ELFN1: variants seen among roughly 807,000 people sequenced by gnomAD.
ELFN1 encodes the protein extracellular leucine rich repeat and fibronectin type III domain containing 1.
In ELFN1, 6 loss-of-function variants were observed where a neutral mutation model predicts 7.6. That is an observed-to-expected ratio of 0.79 (90% CI 0.43 to 1.56). The LOEUF (loss-of-function observed/expected upper bound fraction) is 1.56, where lower values mean the gene tolerates loss of function less well. Ranked by LOEUF, ELFN1 falls within the 40% of genes most tolerant of loss-of-function variation. The probability of loss-of-function intolerance (pLI) is 0.01; values close to 1 mark genes in which losing one functional copy is unlikely to be tolerated. For synonymous variants in ELFN1, 657 were observed against 588.1 expected (o/e 1.12, Z -1.70); for missense variants, 1,169 against 1,232.2 (o/e 0.95, Z 0.77).
chr7:1,718,769 C>T (rs1025021757), intron 3 of ELFN1, among the ~76,000 whole-genome samples: 1 of 152,172 alleles, frequency 6.6e-6, no homozygotes, highest in African/African-American at 2.4e-5. Flanking sequence ...GGGCCCCCTC[C>T]CTGGCCGTGT....
intron 3 of ELFN1, among the ~76,000 whole-genome samples, chr7:1,714,480 A>G (rs115578086): frequency 0.039 from 5,873 of 152,330 alleles, 389 homozygotes; most frequent in African/African-American, 0.13. Flanking sequence ...TTAAAAGGGA[A>G]GATTTATAGC....
At chr7:1,693,942 C>A (rs1052782095) in intron 2 of ELFN1, 3 of 390,310 alleles carry the variant, frequency 7.7e-6, no homozygotes, top group African/African-American at 6.3e-5. Flanking sequence ...CTCGGGAAGC[C>A]CCCGTCTGGC....
chr7:1,689,271 C>T (rs945677258), intron 2 of ELFN1, among the ~76,000 whole-genome samples: 11 of 152,352 alleles, frequency 7.2e-5, no homozygotes, highest in African/African-American at 9.6e-5. Flanking sequence ...TGCATGCTCA[C>T]GCATGTGTGT....
At chr7:1,676,293 G>C (rs1311268244) in intron 1 of ELFN1, among the ~76,000 whole-genome samples, 1 of 152,134 alleles carries the variant, frequency 6.6e-6, no homozygotes, top group Non-Finnish European at 1.5e-5. Context: ...GGAAGCTGTG[G>C]AAGGGCCCGG....
At chr7:1,696,177 T>A (rs190841125) in intron 2 of ELFN1, among the ~76,000 whole-genome samples, 73 of 141,688 alleles carry the variant, frequency 5.2e-4, no homozygotes, top group South Asian at 4.4e-3. Flanking sequence ...AGAGAGAGAG[T>A]GTGTGTGTGT....
intron 2 of ELFN1, among the ~76,000 whole-genome samples, chr7:1,706,496 T>C (rs7783310): frequency 0.3 from 46,049 of 151,966 alleles, 9,272 homozygotes; most frequent in African/African-American, 0.57. Context: ...TCCTTCAAGT[T>C]CCACCATGCA....
At chr7:1,736,159 G>C (rs1780436254) in intron 3 of ELFN1, among the ~76,000 whole-genome samples, 1 of 152,334 alleles carries the variant, frequency 6.6e-6, no homozygotes, top group East Asian at 1.9e-4. Flanking sequence ...GACAGACAGG[G>C]CGAGAGCCAA....
At chr7:1,744,259 C>A (rs1780711511) in intron 3 of ELFN1, 45 bp from the exon 4 acceptor site, 2 of 128,620 alleles carry the variant, frequency 1.6e-5, no homozygotes, top group Non-Finnish European at 2.8e-5. Flanking sequence ...TGACCGCTGT[C>A]TTCTCTCTTG....
intron 1 of ELFN1, among the ~76,000 whole-genome samples, chr7:1,686,311 G>GTTC (rs1554247072): frequency 1.2e-4 from 14 of 113,952 alleles, no homozygotes; most frequent in African/African-American, 4.3e-4. Context: ...GTTTGTCCTT[G>GTTC]TTTTTTTTTT....
Position 1,746,474 on chromosome 7 carries a change from G to A in ELFN1, c.1878G>A (p.Arg626=). The change falls in exon 4 of 4, where the codon CGG becomes CGA. Residue 626 remains arginine (R), a synonymous_variant. Transcript: ENST00000424383. The stretch of plus-strand genomic sequence containing the variant: ...ACGCCTTCGGCCACAGCCTGCAGCG[G>A]CACCACAGCGTGGAGGCCGCCGGGC... ...YKDAFGHSLQ[R]HHSVEAAGPP... 1.3e-6 allele frequency: 2 copies of A among 1,517,892 alleles called. No individual in the cohort carries two copies. Among genetic ancestry groups the A allele is most frequent in the Non-Finnish European group, 1.8e-6 (2 of 1,138,312 alleles). 94.0% of individuals were successfully genotyped at this position (1,517,892 alleles called of 1,614,324 possible). A position where few individuals can be genotyped will look rare whatever the true frequency, so the allele number is the denominator to read the frequency against.
rs901981667 is a variant in ELFN1 at position 1,673,620 on chromosome 7, G to A, written c.-549+3266G>A. On this transcript the variant is annotated intron_variant, in intron 1 of 3. Coordinates refer to ENST00000424383, the MANE Select transcript of ELFN1 (RefSeq NM_001128636.4). The surrounding 1 kb of genome is among the most constrained non-coding windows in gnomAD (Gnocchi z 4.7). ...GACCACCCTGGGAGCGCTGATGGCA[G>A]ACAAGGGCCAACTGTGTGCCCTACC... is the stretch of plus-strand genomic sequence containing the variant. Among the ~76,000 whole-genome samples, 5 of 152,352 alleles carry A rather than the reference G, an allele frequency of 3.3e-5. No homozygotes were observed. The highest frequency in any genetic ancestry group is 6.5e-5 in the Admixed American group (1 of 15,306).
At chr7:1,726,869 G>A (rs898834851) in intron 3 of ELFN1, among the ~76,000 whole-genome samples, 1 of 152,316 alleles carries the variant, frequency 6.6e-6, no homozygotes, top group South Asian at 2.1e-4. Context: ...GGGGACCCAT[G>A]TCTGCTGAGA....
chr7:1,746,193 C>G lies in ELFN1; in HGVS notation c.1597C>G (p.Pro533Ala), dbSNP rs1179124376. 8 of 1,551,342 alleles carry G rather than the reference C, an allele frequency of 5.2e-6. No individual in the cohort carries two copies. The highest frequency in any genetic ancestry group is 5.2e-6 in the Non-Finnish European group (6 of 1,148,144). ...CTACATGGAGGTTCGAACCGGGGACCCTCCGGAACGCAGGGACTGTGAGCT... is the reference window on the plus strand; with the variant it reads ...CTACATGGAGGTTCGAACCGGGGACGCTCCGGAACGCAGGGACTGTGAGCT... The part of the protein sequence containing the change: ...GSYMEVRTGD[P>A]PERRDCELGR... Residue 533 changes from proline (P) to alanine (A), a missense_variant, in exon 4 of 4, where the codon CCT becomes GCT. Pro to Ala is a conservative substitution (Grantham distance 27, BLOSUM62 -1). Around this residue, in one of 2 missense-constraint regions of ELFN1, gnomAD observed 914 missense variants for 872.6 expected, o/e 1.05. Coordinates refer to ENST00000424383, the MANE Select transcript of ELFN1 (RefSeq NM_001128636.4).
chr7:1,678,165 G>A (rs1422100783), intron 1 of ELFN1, among the ~76,000 whole-genome samples: 7 of 152,120 alleles, frequency 4.6e-5, no homozygotes, highest in Admixed American at 4.6e-4. Context: ...CCCTCACCAT[G>A]CACAGTGTGT....
In ELFN1 at chr7:1,746,286, A is replaced by G; in HGVS notation, c.1690A>G (p.Lys564Glu). Residue 564 changes from lysine to glutamate, a missense_variant, in exon 4 of 4, where the codon AAG becomes GAG. Lys to Glu is a moderately conservative substitution (Grantham distance 56). This residue lies in a region of ELFN1 where 914 missense variants were observed against 872.6 expected (regional missense o/e 1.05). Transcript: ENST00000424383. ...EISTIAKEVD[K>E]VNQIINNCID... is the part of the protein sequence containing the mutation. ...CTCCACCATCGCCAAGGAGGTGGAC[A>G]AGGTCAACCAGATCATCAACAACTG... 1.3e-6 allele frequency: 2 copies of G among 1,596,322 alleles called. No individual in the cohort carries two copies. Among genetic ancestry groups the G allele is most frequent in the Non-Finnish European group, 1.7e-6 (2 of 1,172,512 alleles).
At chr7:1,707,734 G>A (rs1190021887) in intron 2 of ELFN1, among the ~76,000 whole-genome samples, 3 of 152,204 alleles carry the variant, frequency 2.0e-5, no homozygotes, top group African/African-American at 7.2e-5. Flanking sequence ...TAACTGATGA[G>A]CATCCCCCCA....
Position 1,714,091 on chromosome 7 carries a change from G to T in ELFN1, c.-294+4839G>T, listed in dbSNP as rs1260493868. ...GGGCGGGCTGGAAGGAACCTGGGAC[G>T]TTGAGTTAGTGGCTCAGTGACCAGG... On this transcript the variant is annotated intron_variant, in intron 3 of 3. Transcript: ENST00000424383. Among the ~76,000 whole-genome samples, 5 of 152,216 alleles carry T rather than the reference G, an allele frequency of 3.3e-5. 1 individual carries two copies. The highest frequency in any genetic ancestry group is 1.2e-4 in the African/African-American group (5 of 41,454).
chr7:1,721,817 A>G (rs1442281392), intron 3 of ELFN1, among the ~76,000 whole-genome samples: 1 of 152,156 alleles, frequency 6.6e-6, no homozygotes, highest in African/African-American at 2.4e-5. Context: ...CTGGAAGGGA[A>G]CGAGAAGGCC....
At chr7:1,696,848 C>A (rs1195158289) in intron 2 of ELFN1, among the ~76,000 whole-genome samples, 1 of 152,216 alleles carries the variant, frequency 6.6e-6, no homozygotes, top group Non-Finnish European at 1.5e-5. Flanking sequence ...GGGCACACTT[C>A]AGCCCACGGC....
Sources: allele counts gnomAD v4.1 joint callset (sites outside exome capture counted in the v4.1 genomes callset), GRCh38; gene constraint gnomAD v4.1.1; regional missense constraint gnomAD v4.1.1; non-coding constraint Gnocchi (gnomAD v3.1); transcripts MANE v1.5; gene names NCBI Gene and HGNC (gene_info 2026-07-23, HGNC 2026-07-21).